The following F8 variants were observed in gnomAD, a reference collection of about 807,000 sequenced individuals.
F8 encodes the protein coagulation factor VIII.
In F8, 12 loss-of-function variants were observed where a neutral mutation model predicts 140.6. The ratio of observed to expected loss-of-function variants is 0.09; its 90% CI spans 0.05 to 0.14. The LOEUF is 0.14. Among genes scored for constraint, F8 ranks in the 10% least tolerant of loss-of-function variants. F8 has a pLI of 1.00. For missense variants in F8, 1,354 were observed against 1,720.7 expected, an observed-to-expected ratio of 0.79 and a Z score of 3.77; for synonymous variants, 585 against 614.6, an observed-to-expected ratio of 0.95 and a Z score of 0.71.
rs782375745 is a variant in F8 at position 154,929,204 on chromosome X, G to A, written c.4586C>T (p.Thr1529Ile). ...CAGATGGCCAGGAGACCCATTGCTA[G>A]TTTCCGTAGGGAATAGGTCCTTCTG... is the stretch of plus-strand genomic sequence containing the variant. Reference protein sequence around the residue: ...IYQKDLFPTETSNGSPGHLDL... With the variant: ...IYQKDLFPTEISNGSPGHLDL... The change falls in exon 14 of 26, where the codon ACT becomes ATT. Residue 1529 changes from threonine (T) to isoleucine (I), a missense_variant. Thr to Ile is a moderately conservative substitution (Grantham distance 89). Coordinates refer to ENST00000360256, the MANE Select transcript of F8 (RefSeq NM_000132.4). 28 of 1,210,012 alleles carry A rather than the reference G, an allele frequency of 2.3e-5. No homozygotes were observed. The highest frequency in any genetic ancestry group is 3.1e-5 in the Non-Finnish European group (28 of 895,224).
chrX:154,991,701 C>CA (rs782508760), intron 4 of F8, among the ~76,000 whole-genome samples: 2 of 112,184 alleles, frequency 1.8e-5, no homozygotes, highest in African/African-American at 6.5e-5. Flanking sequence ...GGCACTTTCT[C>CA]ATTAATTATG....
chrX:154,994,495 T>A (rs2073606354), intron 3 of F8, among the ~76,000 whole-genome samples: 1 of 112,502 alleles, frequency 8.9e-6, no homozygotes, highest in Admixed American at 9.4e-5. Flanking sequence ...TTTAGGCCCA[T>A]AGTCTCTTTT....
intron 1 of F8, among the ~76,000 whole-genome samples, chrX:155,019,346 A>G (rs2073749412): frequency 8.9e-6 from 1 of 112,351 alleles, no homozygotes; most frequent in East Asian, 2.8e-4. Flanking sequence ...AATAAATTCA[A>G]TAAGATAAGA....
At chrX:154,974,463 C>G (rs1194513798) in intron 6 of F8, among the ~76,000 whole-genome samples, 1 of 111,855 alleles carries the variant, frequency 8.9e-6, no homozygotes, top group Non-Finnish European at 1.9e-5. Flanking sequence ...TGGGATAAAT[C>G]CCACCTGATC....
chrX:154,916,422 A>C (rs941897277), intron 14 of F8, among the ~76,000 whole-genome samples: 1 of 111,772 alleles, frequency 8.9e-6, no homozygotes, highest in Admixed American at 9.5e-5. Flanking sequence ...TGAAGTCATC[A>C]GGTCCTGGAC....
intron 13 of F8, among the ~76,000 whole-genome samples, chrX:154,935,551 G>C (rs2073219467): frequency 8.9e-6 from 1 of 111,813 alleles, no homozygotes; most frequent in African/African-American, 3.3e-5. Flanking sequence ...CTAGATCATA[G>C]ACATATATGT....
chrX:154,942,784 C>A (rs1356852430), intron 13 of F8, among the ~76,000 whole-genome samples: 14 of 106,393 alleles, frequency 1.3e-4, no homozygotes, highest in Admixed American at 4.0e-4. Flanking sequence ...TACTGGCAAA[C>A]CGAATCCAGC....
At chrX:154,936,335 A>G (rs1412068828) in intron 13 of F8, among the ~76,000 whole-genome samples, 1 of 112,075 alleles carries the variant, frequency 8.9e-6, no homozygotes, top group East Asian at 2.8e-4. Context: ...AGAAAATGTT[A>G]AAAAAGACAC....
intron 25 of F8, among the ~76,000 whole-genome samples, chrX:154,838,432 G>A (rs1318522496): frequency 1.8e-5 from 2 of 111,837 alleles, no homozygotes; most frequent in Non-Finnish European, 3.8e-5. Context: ...TGGATTCCGA[G>A]GTAATCCTAC....
chrX:154,920,461 A>AT (rs1295010141), intron 14 of F8, among the ~76,000 whole-genome samples: 14 of 109,199 alleles, frequency 1.3e-4, no homozygotes, highest in African/African-American at 4.0e-4. Flanking sequence ...ACATATTATT[A>AT]TTTTTTTTGA....
In F8 at chrX:154,960,858, G is replaced by T. The variant is rs142757152; in HGVS notation, c.1537+217C>A. Among the ~76,000 whole-genome samples the T allele has an allele frequency of 9.7e-3, 1,090 of 112,124 alleles. 17 individuals carry two copies. Among genetic ancestry groups the T allele is most frequent in the African/African-American group, 0.033 (1,035 of 30,909 alleles). ...GGCTGTGGAATATTTGAACATCACC[G>T]CTAGGTAATAGGAAAAACATGTCAG... On this transcript the variant is annotated intron_variant, in intron 10 of 25. Coordinates refer to ENST00000360256, the MANE Select transcript of F8 (RefSeq NM_000132.4).
chrX:154,984,890 G>A, intron 5 of F8, 87 bp from the exon 6 acceptor site: 1 of 718,352 alleles, frequency 1.4e-6, no homozygotes. Flanking sequence ...TGCTCCCAGT[G>A]TGCTCACACC....
At chrX:154,939,760 C>A (rs1300843986) in intron 13 of F8, among the ~76,000 whole-genome samples, 1 of 112,090 alleles carries the variant, frequency 8.9e-6, no homozygotes. Context: ...CTGGGAGGCA[C>A]CCCCCAGTAG....
chrX:154,871,504 C>T (rs1283067900), intron 22 of F8, among the ~76,000 whole-genome samples: 2 of 112,040 alleles, frequency 1.8e-5, no homozygotes, highest in East Asian at 5.6e-4. Flanking sequence ...ATGCAGAAAA[C>T]TGAAACTGGA....
chrX:154,926,942 G>A (rs1334376127), intron 14 of F8, among the ~76,000 whole-genome samples: 2 of 111,536 alleles, frequency 1.8e-5, no homozygotes, highest in East Asian at 5.6e-4. Flanking sequence ...AATCCCTGGA[G>A]CACTCTAACC....
At chrX:154,961,209 A>T (rs2073394249) in intron 9 of F8, 41 bp from the exon 10 acceptor site, 3 of 893,248 alleles carry the variant, frequency 3.4e-6, no homozygotes, top group Non-Finnish European at 4.9e-6. Context: ...TCCTAAAACG[A>T]CTAGGATCAA....
intron 1 of F8, among the ~76,000 whole-genome samples, chrX:155,013,924 T>A (rs1235951014): frequency 9.0e-6 from 1 of 111,196 alleles, no homozygotes; most frequent in Non-Finnish European, 1.9e-5. Context: ...TCCTATCAGA[T>A]TAGGACTCCA....
At chrX:154,946,012 T>C (rs1285841954) in intron 13 of F8, among the ~76,000 whole-genome samples, 2 of 111,261 alleles carry the variant, frequency 1.8e-5, no homozygotes, top group Non-Finnish European at 3.8e-5. Flanking sequence ...AATAAATATA[T>C]TGGAATAAAT....
chrX:154,868,372 T>C (rs2072747217), intron 22 of F8, among the ~76,000 whole-genome samples: 1 of 112,303 alleles, frequency 8.9e-6, no homozygotes, highest in African/African-American at 3.2e-5. Flanking sequence ...CTGCTATGAC[T>C]GTAGGTTTCC....
Sources: gnomAD v4.1 joint callset for allele counts (sites outside exome capture counted in the v4.1 genomes callset) on GRCh38, gnomAD v4.1.1 for gene constraint, MANE v1.5 for transcripts, NCBI Gene and HGNC (gene_info 2026-07-23, HGNC 2026-07-21) for gene names.